The following MRC2 variants were observed in gnomAD, a reference collection of about 807,000 sequenced individuals.
MRC2 encodes the protein mannose receptor C-type 2.
Under a neutral mutation model 206.2 loss-of-function variants are expected in MRC2, and 84 were observed. The ratio of observed to expected loss-of-function variants is 0.41; its 90% CI spans 0.34 to 0.49. The LOEUF is 0.49. Ranked by LOEUF, MRC2 falls within the 20% of genes least tolerant of loss-of-function variation. The probability of loss-of-function intolerance (pLI) is 0.31; values close to 1 mark genes in which losing one functional copy is unlikely to be tolerated. For missense variants in MRC2, 1,676 were observed against 2,001.5 expected (o/e 0.84, Z 3.10); for synonymous variants, 798 against 800.0 (o/e 1.00, Z 0.04).
chr17:62,679,269 T>C (rs117039594), intron 13 of MRC2: 212 of 156,016 alleles, frequency 1.4e-3, no homozygotes, highest in Non-Finnish European at 2.2e-3. Context: ...CAATAGCTCA[T>C]GGTCATCACT....
rs1213748924 is a variant in MRC2, at chr17:62,690,749, T to C, written c.4000T>C (p.Phe1334Leu). Reference protein sequence around the residue: ...QSRGAWLGMNFNPKGGTLVWQ... With the variant: ...QSRGAWLGMNLNPKGGTLVWQ... ...TCGGGGCGCCTGGCTGGGCATGAAC[T>C]TCAACCCCAAAGGTGGGTGCCCTGT... Residue 1334 changes from phenylalanine to leucine, a missense_variant, in exon 27 of 30, where the codon TTC (phenylalanine) becomes CTC (leucine). By Grantham distance (22) the Phe-to-Leu change is conservative (BLOSUM62 0). Coordinates refer to ENST00000303375, the MANE Select transcript of MRC2 (RefSeq NM_006039.5). The C allele has an allele frequency of 6.2e-7, 1 of 1,607,782 alleles. No individual in the cohort carries two copies. The highest frequency in any genetic ancestry group is 8.5e-7 in the Non-Finnish European group (1 of 1,177,220).
At chr17:62,679,960 G>A in intron 14 of MRC2, 58 bp downstream of exon 14, 1 of 1,023,126 alleles carries the variant, frequency 9.8e-7, no homozygotes. Context: ...GGCGGGGCCT[G>A]TTTGGGGCGG....
At chr17:62,678,766 A>C in intron 13 of MRC2, 120 bp downstream of exon 13, 1 of 1,422,712 alleles carries the variant, frequency 7.0e-7, no homozygotes, top group Non-Finnish European at 9.5e-7. Flanking sequence ...GGGTGACCCC[A>C]GGGAGGCCTG....
At chr17:62,689,320 C>T in intron 23 of MRC2, 1 of 581,204 alleles carries the variant, frequency 1.7e-6, no homozygotes, top group Non-Finnish European at 3.1e-6. Context: ...AGGTCAAGGC[C>T]CTCACCTCCC....
chr17:62,644,848 C>G (rs1053961850), intron 1 of MRC2, among the ~76,000 whole-genome samples: 2 of 152,094 alleles, frequency 1.3e-5, no homozygotes, highest in Admixed American at 1.3e-4. Context: ...TCAAGGGTCA[C>G]CAGCTGGAGC....
In MRC2 at chr17:62,667,445, G is replaced by A; in HGVS notation, c.1029G>A (p.Ser343=). Residue 343 remains serine (S), a synonymous_variant, in exon 6 of 30, where the codon TCG becomes TCA. Transcript: ENST00000303375. This position sits in a 1 kb window ranked among gnomAD's most constrained non-coding sequence, Gnocchi z 4.1. ...ENCGVIRTES[S]GGWQNRDCSI... is the part of the protein sequence containing the mutation. ...GTGGAGTGATCCGCACTGAGTCCTC[G>A]GGCGGCTGGCAGAACCGTGACTGCA... 1.2e-6 allele frequency: 2 copies of A among 1,612,548 alleles called. No individual in the cohort carries two copies. Among genetic ancestry groups the A allele is most frequent in the South Asian group, 1.1e-5 (1 of 90,966 alleles).
In MRC2 at chr17:62,692,451, G is replaced by A. The variant is rs1276422591; in HGVS notation, c.4440G>A (p.Ter1480=). The change falls in exon 30 of 30, where the codon TAG becomes TAA. Residue 1480 remains the stop codon, a stop_retained_variant. Transcript: ENST00000303375. This position sits in a 1 kb window ranked among gnomAD's most constrained non-coding sequence, Gnocchi z 4.2. ...TGGAAATGAATGAGCAACAAGAATA[G>A]AGCCAGGCGCGTGGGCAGGGCCAGG... ...SDMEMNEQQE[*] 5 of 1,555,704 alleles carry A rather than the reference G, an allele frequency of 3.2e-6. No homozygotes were observed. Among genetic ancestry groups the A allele is most frequent in the African/African-American group, 1.4e-5 (1 of 73,748 alleles).
rs770228183 is a variant in MRC2 at position 62,692,461 on chromosome 17, C to G, written c.*10C>G. The stretch of plus-strand genomic sequence containing the variant: ...TGAGCAACAAGAATAGAGCCAGGCG[C>G]GTGGGCAGGGCCAGGGCGGGAGGAG... On this transcript the variant is annotated 3_prime_UTR_variant, in exon 30 of 30. Coordinates refer to ENST00000303375, the MANE Select transcript of MRC2 (RefSeq NM_006039.5). This position sits in a 1 kb window ranked among gnomAD's most constrained non-coding sequence, Gnocchi z 4.2. The G allele has an allele frequency of 1.9e-6, 3 of 1,551,424 alleles. No individual in the cohort carries two copies. The highest frequency in any genetic ancestry group is 2.6e-6 in the Non-Finnish European group (3 of 1,146,580).
rs367605863 is a variant in MRC2, at chr17:62,666,459, C to G, written c.699C>G (p.Asn233Lys). The change falls in exon 4 of 30, where the codon AAC (asparagine) becomes AAG (lysine). Residue 233 changes from asparagine (N) to lysine (K), a missense_variant. Transcript: ENST00000303375. The surrounding 1 kb of genome is among the most constrained non-coding windows in gnomAD (Gnocchi z 5.0). Reference sequence around the variant, plus strand: ...AGAGGGCTGTCGTGGTGGCAGGTAACGACTGCGAGACCTTCTGGGACAAGG... The same window carrying G: ...AGAGGGCTGTCGTGGTGGCAGGTAAGGACTGCGAGACCTTCTGGGACAAGG... ...ERWGFCPIKSNDCETFWDKDQ... is the reference protein window; with the variant it reads ...ERWGFCPIKSKDCETFWDKDQ... 5.0e-6 allele frequency: 8 copies of G among 1,613,788 alleles called. No homozygotes were observed. In the African/African-American group the frequency reaches 9.3e-5, roughly 19 times the overall value.
At chr17:62,676,316 G>A (rs914980383) in intron 10 of MRC2, 67 bp from the exon 11 acceptor site, 32 of 1,593,296 alleles carry the variant, frequency 2.0e-5, no homozygotes, top group African/African-American at 1.5e-4. Context: ...ACGGTAGGGC[G>A]TCTGGCCTGT....
intron 1 of MRC2, among the ~76,000 whole-genome samples, chr17:62,645,630 C>T (rs1284456340): frequency 1.4e-5 from 2 of 142,908 alleles, no homozygotes; most frequent in African/African-American, 5.2e-5. Context: ...ATCTTCTGGG[C>T]TCAAGCAATC....
Position 62,666,977 on chromosome 17 carries a change from G to A in MRC2, c.973+107G>A, listed in dbSNP as rs983370661. 9 of 877,726 alleles carry A rather than the reference G, an allele frequency of 1.0e-5. No homozygotes were observed. The African/African-American group carries it at 1.5e-4, about 15-fold the overall frequency. The allele number at this position is 877,726 out of a possible 1,614,324, so 54.4% of individuals were successfully genotyped here. The stretch of plus-strand genomic sequence containing the variant: ...CTCCTGCAGAGGGGCAGTGTGGGTA[G>A]GGGAAGCACCGACCTCCACCCCCCT... On this transcript the variant is annotated intron_variant, in intron 5 of 29. Transcript: ENST00000303375. This position sits in a 1 kb window ranked among gnomAD's most constrained non-coding sequence, Gnocchi z 5.0.
At position 62,667,598 on chromosome 17, in the gene MRC2, C is replaced by T. The variant is rs1351468996; in HGVS notation, c.1117+65C>T. On this transcript the variant is annotated intron_variant, in intron 6 of 29. Transcript: ENST00000303375. The surrounding 1 kb of genome is among the most constrained non-coding windows in gnomAD (Gnocchi z 4.1). ...CAGGGCCAGGGACACAGCCACAGAG[C>T]CGTGGCAGGCCCAGCCTCTCCTCCG... 2.6e-6 allele frequency: 4 copies of T among 1,517,264 alleles called. No homozygotes were observed. Among genetic ancestry groups the T allele is most frequent in the Admixed American group, 2.4e-5 (1 of 41,374 alleles). 94.0% of individuals were successfully genotyped at this position (1,517,264 alleles called of 1,614,324 possible). A position where few individuals can be genotyped will look rare whatever the true frequency, so the allele number is the denominator to read the frequency against.
At chr17:62,629,411 C>T (rs959639946) in intron 1 of MRC2, among the ~76,000 whole-genome samples, 11 of 152,176 alleles carry the variant, frequency 7.2e-5, no homozygotes, top group African/African-American at 2.4e-4. Flanking sequence ...AGGACAAGGA[C>T]GCCTGGAGTG....
Position 62,688,470 on chromosome 17 carries a change from GTCAC to G in MRC2, c.3062-26_3062-23del, listed in dbSNP as rs2089059417. 4 of 1,614,060 alleles carry G rather than the reference GTCAC, an allele frequency of 2.5e-6. No homozygotes were observed. In the East Asian group the frequency reaches 6.7e-5, roughly 27 times the overall value. The stretch of plus-strand genomic sequence containing the variant: ...TGTCCCCCCAAATAGCTATAGCAGA[GTCAC>G]TCACAACTGTCTTCTGGGGACCATA... On this transcript the variant is annotated intron_variant, in intron 21 of 29. Coordinates refer to ENST00000303375, the MANE Select transcript of MRC2 (RefSeq NM_006039.5).
chr17:62,653,949 G>A (rs908922527), intron 1 of MRC2, among the ~76,000 whole-genome samples: 3 of 152,176 alleles, frequency 2.0e-5, no homozygotes, highest in Admixed American at 6.5e-5. Context: ...TCTAGCCAGG[G>A]GTGGTGCAGG....
chr17:62,636,149 G>A (rs1329204659), intron 1 of MRC2, among the ~76,000 whole-genome samples: 4 of 151,498 alleles, frequency 2.6e-5, no homozygotes, highest in African/African-American at 7.3e-5. Context: ...AGCTACTCAG[G>A]AGGCTGAGGC....
At position 62,692,303 on chromosome 17, in the gene MRC2, C is replaced by A; in HGVS notation, c.4292C>A (p.Ala1431Glu). 1.3e-6 allele frequency: 2 copies of A among 1,593,344 alleles called. No homozygotes were observed. Among genetic ancestry groups the A allele is most frequent in the East Asian group, 2.3e-5 (1 of 44,076 alleles). The stretch of plus-strand genomic sequence containing the variant: ...CTGCTGCTCCTGGCCTTGCTGACCG[C>A]AGCCCTCATCCTTTACCGGAGGCGC... ...AVLLLLALLT[A>E]ALILYRRRQS... Residue 1431 changes from alanine to glutamate, a missense_variant, in exon 30 of 30, where the codon GCA becomes GAA. Ala to Glu is a moderately radical substitution (Grantham distance 107). Transcript: ENST00000303375. The surrounding 1 kb of genome is among the most constrained non-coding windows in gnomAD (Gnocchi z 4.2).
intron 1 of MRC2, among the ~76,000 whole-genome samples, chr17:62,644,949 C>T (rs906492529): frequency 2.0e-5 from 3 of 152,106 alleles, no homozygotes; most frequent in African/African-American, 7.2e-5. Flanking sequence ...GTGACTTAGC[C>T]CAGTGTTCAC....
Sources: gnomAD v4.1 joint callset for allele counts (sites outside exome capture counted in the v4.1 genomes callset) on GRCh38, gnomAD v4.1.1 for gene constraint, Gnocchi (gnomAD v3.1) non-coding constraint, MANE v1.5 for transcripts, NCBI Gene and HGNC (gene_info 2026-07-23, HGNC 2026-07-21) for gene names.